BCL9: variants seen among roughly 807,000 people sequenced by gnomAD.
The protein encoded by BCL9 is B-cell CLL/lymphoma 9 protein.
A neutral mutation model predicts 88.5 loss-of-function variants in BCL9; 25 were observed. The ratio of observed to expected loss-of-function variants is 0.28; its 90% CI spans 0.21 to 0.39. The LOEUF is 0.39. Among genes scored for constraint, BCL9 ranks in the 10% least tolerant of loss-of-function variants. BCL9 has a pLI of 1.00. For missense variants in BCL9, 1,817 were observed against 1,877.8 expected (o/e 0.97, Z 0.60); for synonymous variants, 711 against 673.3 (o/e 1.06, Z -0.87).
At chr1:147,548,002 A>G (rs1201814377) in intron 1 of BCL9, among the ~76,000 whole-genome samples, 1 of 152,192 alleles carries the variant, frequency 6.6e-6, no homozygotes, top group Non-Finnish European at 1.5e-5. Flanking sequence ...TTCCATGAAA[A>G]TCACAATCAC....
At chr1:147,585,587 C>T (rs587710656) in intron 1 of BCL9, among the ~76,000 whole-genome samples, 133 of 152,208 alleles carry the variant, frequency 8.7e-4, no homozygotes, top group African/African-American at 3.1e-3. Context: ...TCTTGAAAAT[C>T]GAGTTCAGAT....
intron 1 of BCL9, among the ~76,000 whole-genome samples, chr1:147,582,032 A>C (rs1204640986): frequency 1.3e-5 from 2 of 152,224 alleles, no homozygotes; most frequent in African/African-American, 2.4e-5. Flanking sequence ...CATCCAGAGC[A>C]CTTTTCACAT....
rs587600765 is a variant in BCL9, at chr1:147,624,566, A to G, written c.3888A>G (p.Pro1296=). Residue 1296 remains proline, a synonymous_variant, in exon 10 of 10, where the codon CCA becomes CCG. Transcript: ENST00000234739. This position sits in a 1 kb window ranked among gnomAD's most constrained non-coding sequence, Gnocchi z 4.4. Reference sequence around the variant, plus strand: ...TACCTGGCATGGGAGGTCCAGGGCCAGTGGGAACTCCGGACATCCCTCTTG... The same window carrying G: ...TACCTGGCATGGGAGGTCCAGGGCCGGTGGGAACTCCGGACATCCCTCTTG... The part of the protein sequence containing the change: ...LALPGMGGPG[P]VGTPDIPLGT... 5.0e-6 allele frequency: 8 copies of G among 1,614,174 alleles called. No individual in the cohort carries two copies. The highest frequency in any genetic ancestry group is 1.1e-5 in the South Asian group (1 of 91,084).
chr1:147,566,143 G>A (rs1236179292), intron 1 of BCL9, among the ~76,000 whole-genome samples: 1 of 152,194 alleles, frequency 6.6e-6, no homozygotes, highest in Non-Finnish European at 1.5e-5. Flanking sequence ...AGAGGAGCTG[G>A]TTGCTGGAAA....
intron 1 of BCL9, among the ~76,000 whole-genome samples, chr1:147,559,545 A>G (rs1390510): frequency 0.044 from 6,723 of 152,280 alleles, 188 homozygotes; most frequent in East Asian, 0.056. Context: ...TAAAAGAAGA[A>G]CCAGGATTTG....
At chr1:147,603,901 A>C (rs1352835293) in intron 1 of BCL9, among the ~76,000 whole-genome samples, 1 of 152,224 alleles carries the variant, frequency 6.6e-6, no homozygotes, top group Non-Finnish European at 1.5e-5. Flanking sequence ...TTTTAAATGC[A>C]CAAAATAAAA....
At position 147,620,629 on chromosome 1, in the gene BCL9, C is replaced by G; in HGVS notation, c.2474C>G (p.Ser825Cys). Residue 825 changes from serine to cysteine, a missense_variant, in exon 8 of 10, where the codon TCC becomes TGC. This residue lies in a region of BCL9 where 1,228 missense variants were observed against 1,191.6 expected (regional missense o/e 1.03). Transcript: ENST00000234739. Reference protein sequence around the residue: ...SHMPPLPLNPSSNPTSLNTAP... With the variant: ...SHMPPLPLNPCSNPTSLNTAP... ...ATGCCACCACTACCTCTCAACCCTT[C>G]CAGTAACCCCACCAGCCTCAACACA... is the stretch of plus-strand genomic sequence containing the variant. The G allele has an allele frequency of 2.5e-6, 4 of 1,614,228 alleles. No individual in the cohort carries two copies. Among genetic ancestry groups the G allele is most frequent in the Non-Finnish European group, 3.4e-6 (4 of 1,180,036 alleles).
In BCL9 at chr1:147,618,678, T is replaced by C. The variant is rs1039917095; in HGVS notation, c.661-138T>C. ...AATGTCTCCATGCCCAAAAGAGGGT[T>C]GTACGTGAGCAATTTCTACAGCCAG... On this transcript the variant is annotated intron_variant, in intron 7 of 9. Transcript: ENST00000234739. 8 of 815,470 alleles carry C rather than the reference T, an allele frequency of 9.8e-6. No individual in the cohort carries two copies. The African/African-American group carries it at 1.2e-4, about 13-fold the overall frequency. The allele number at this position is 815,470 out of a possible 1,614,324, so 50.5% of individuals were successfully genotyped here.
At chr1:147,577,713 C>G (rs1336914917) in intron 1 of BCL9, among the ~76,000 whole-genome samples, 1 of 151,978 alleles carries the variant, frequency 6.6e-6, no homozygotes, top group Admixed American at 6.6e-5. Context: ...TTTTCTGGAC[C>G]TGGATCATTC....
At chr1:147,573,634 G>T (rs1655981162) in intron 1 of BCL9, among the ~76,000 whole-genome samples, 2 of 152,074 alleles carry the variant, frequency 1.3e-5, no homozygotes, top group South Asian at 4.1e-4. Flanking sequence ...GTTTTGTTTT[G>T]TTTTAAATTA....
chr1:147,604,313 A>G (rs1657545589), intron 1 of BCL9, among the ~76,000 whole-genome samples: 1 of 152,174 alleles, frequency 6.6e-6, no homozygotes, highest in Non-Finnish European at 1.5e-5. Context: ...ACCCTAGACC[A>G]ACTGATTTTT....
At position 147,612,965 on chromosome 1, in the gene BCL9, T is replaced by C. The variant is rs201425611; in HGVS notation, c.136T>C (p.Phe46Leu). The change falls in exon 5 of 10, where the codon TTC becomes CTC. Residue 46 changes from phenylalanine to leucine, a missense_variant. Physicochemically the swap from Phe to Leu is conservative, Grantham distance 22. Around this residue, in one of 2 missense-constraint regions of BCL9, gnomAD observed 1,228 missense variants for 1,191.6 expected, o/e 1.03. Transcript: ENST00000234739. ...TGGAAACCCCCAGCTGGATTCCAAA[T>C]TCTCCAATCAGGGTAAACAGGGGGG... ...PSGNPQLDSK[F>L]SNQGKQGGSA... 16 of 1,613,290 alleles carry C rather than the reference T, an allele frequency of 9.9e-6. No homozygotes were observed. Among genetic ancestry groups the C allele is most frequent in the Non-Finnish European group, 1.3e-5 (15 of 1,179,646 alleles).
chr1:147,613,217 T>A lies in BCL9; in HGVS notation c.370+18T>A. ...CATTAAAGGTATGTCTATAAGATCTTTGAGACTCAGAGGGAAGTAGGTGTT... is the reference window on the plus strand; with the variant it reads ...CATTAAAGGTATGTCTATAAGATCTATGAGACTCAGAGGGAAGTAGGTGTT... On this transcript the variant is annotated intron_variant, in intron 5 of 9. Coordinates refer to ENST00000234739, the MANE Select transcript of BCL9 (RefSeq NM_004326.4). 1.2e-6 allele frequency: 2 copies of A among 1,613,606 alleles called. No homozygotes were observed. Among genetic ancestry groups the A allele is most frequent in the Non-Finnish European group, 1.7e-6 (2 of 1,179,552 alleles).
chr1:147,621,831 C>A (rs1235074117), intron 8 of BCL9, among the ~76,000 whole-genome samples: 7 of 152,160 alleles, frequency 4.6e-5, no homozygotes, highest in Non-Finnish European at 1.0e-4. Flanking sequence ...GGAAATTAAT[C>A]AAGAATGCGT....
At chr1:147,547,065 T>C (rs782397513) in intron 1 of BCL9, among the ~76,000 whole-genome samples, 16 of 152,262 alleles carry the variant, frequency 1.1e-4, no homozygotes, top group Middle Eastern at 3.4e-3. Context: ...TAAGCAACTA[T>C]AGTGCTGATG....
At chr1:147,622,036 G>T (rs587617982) in intron 8 of BCL9, among the ~76,000 whole-genome samples, 2 of 152,244 alleles carry the variant, frequency 1.3e-5, no homozygotes, top group Non-Finnish European at 2.9e-5. Context: ...CATTCCTGGT[G>T]TGTTTGTCTT....
At chr1:147,556,168 G>A (rs1321828844) in intron 1 of BCL9, among the ~76,000 whole-genome samples, 1 of 151,994 alleles carries the variant, frequency 6.6e-6, no homozygotes, top group Non-Finnish European at 1.5e-5. Context: ...GTCTGGGCTG[G>A]AGTGCAATGG....
At chr1:147,542,617 G>A (rs1286136737) in intron 1 of BCL9, among the ~76,000 whole-genome samples, 1 of 151,874 alleles carries the variant, frequency 6.6e-6, no homozygotes, top group Non-Finnish European at 1.5e-5. Flanking sequence ...CAGATCAAGT[G>A]TCTGAGCATT....
At chr1:147,571,994 G>A (rs1655906024) in intron 1 of BCL9, among the ~76,000 whole-genome samples, 2 of 152,140 alleles carry the variant, frequency 1.3e-5, no homozygotes, top group East Asian at 1.9e-4. Flanking sequence ...CACTTTGGGA[G>A]GCTGAGGCGG....
Sources: gnomAD v4.1 joint callset for allele counts (sites outside exome capture counted in the v4.1 genomes callset) on GRCh38, gnomAD v4.1.1 for gene constraint, gnomAD v4.1.1 regional missense constraint, Gnocchi (gnomAD v3.1) non-coding constraint, MANE v1.5 for transcripts, NCBI Gene and HGNC (gene_info 2026-07-23, HGNC 2026-07-21) for gene names.